The following LCOR variants were observed in gnomAD, a reference collection of about 807,000 sequenced individuals.
The protein encoded by LCOR is ligand-dependent corepressor.
Under a neutral mutation model 64.4 loss-of-function variants are expected in LCOR, and 14 were observed. That is an observed-to-expected ratio of 0.22 (90% CI 0.14 to 0.34). LCOR has a LOEUF of 0.34. LCOR is among the 10% of genes least tolerant of loss of function. The pLI is 1.00. For synonymous variants in LCOR, 643 were observed against 642.5 expected, an observed-to-expected ratio of 1.00 and a Z score of -0.01; for missense variants, 1,686 against 1,765.3, an observed-to-expected ratio of 0.96 and a Z score of 0.80.
At chr10:96,880,565 T>C (rs1846246064) in intron 2 of LCOR, among the ~76,000 whole-genome samples, 1 of 152,156 alleles carries the variant, frequency 6.6e-6, no homozygotes, top group African/African-American at 2.4e-5. Context: ...GCCTGGCTAA[T>C]TGTTGTATTT....
intron 7 of LCOR, chr10:96,955,283 T>C: frequency 2.5e-6 from 4 of 1,614,134 alleles, no homozygotes; most frequent in Non-Finnish European, 3.4e-6. Flanking sequence ...TCAGTGACCT[T>C]CCTTTTCTTG....
chr10:96,832,642 G>C (rs1303727290), intron 1 of LCOR, among the ~76,000 whole-genome samples: 1 of 148,530 alleles, frequency 6.7e-6, no homozygotes, highest in African/African-American at 2.5e-5. Context: ...GCTGGCTCTC[G>C]GCGGGAGCGC....
At chr10:96,937,454 A>G (rs1413832667) in intron 4 of LCOR, among the ~76,000 whole-genome samples, 1 of 152,204 alleles carries the variant, frequency 6.6e-6, no homozygotes, top group Non-Finnish European at 1.5e-5. Flanking sequence ...TTAAATTAGT[A>G]ATTTATAAAC....
chr10:96,960,741 T>C (rs886777673), intron 7 of LCOR: 1 of 152,156 alleles, frequency 6.6e-6, no homozygotes, highest in East Asian at 1.9e-4. Context: ...AGGAGACTAT[T>C]AAGCTATCTA....
chr10:96,910,048 G>C (rs1846802004), intron 4 of LCOR, among the ~76,000 whole-genome samples: 6 of 152,162 alleles, frequency 3.9e-5, no homozygotes, highest in Admixed American at 2.6e-4. Context: ...ATGATTGAGA[G>C]TTTTCCTTTG....
chr10:96,847,309 A>G (rs1845645713), intron 2 of LCOR, among the ~76,000 whole-genome samples: 1 of 151,562 alleles, frequency 6.6e-6, no homozygotes, highest in Non-Finnish European at 1.5e-5. Context: ...AGGAGTTACC[A>G]GAAGCTATAA....
At chr10:96,839,924 G>A (rs1013878610) in intron 2 of LCOR, among the ~76,000 whole-genome samples, 18 of 152,162 alleles carry the variant, frequency 1.2e-4, no homozygotes, top group African/African-American at 3.1e-4. Context: ...CTGACGTTCC[G>A]CCTCTCTTGG....
chr10:96,853,854 T>C (rs932143202), intron 2 of LCOR, among the ~76,000 whole-genome samples: 3 of 152,140 alleles, frequency 2.0e-5, no homozygotes, highest in Non-Finnish European at 2.9e-5. Context: ...AGAAGGTACC[T>C]CTTCACAGGG....
intron 4 of LCOR, among the ~76,000 whole-genome samples, chr10:96,912,167 C>T (rs912850464): frequency 1.3e-5 from 2 of 152,202 alleles, no homozygotes; most frequent in Admixed American, 1.3e-4. Context: ...CTCCTGACTT[C>T]AGGCAATCCA....
chr10:96,952,622 A>T (rs1362420080), intron 7 of LCOR, among the ~76,000 whole-genome samples: 3 of 151,906 alleles, frequency 2.0e-5, no homozygotes, highest in African/African-American at 7.3e-5. Context: ...GGTTTTGGTG[A>T]TGGAGAACTG....
intron 4 of LCOR, among the ~76,000 whole-genome samples, chr10:96,909,230 A>G (rs1846786477): frequency 6.6e-6 from 1 of 152,082 alleles, no homozygotes; most frequent in African/African-American, 2.4e-5. Flanking sequence ...GCCTTTGATG[A>G]CTTTCTCATT....
intron 2 of LCOR, among the ~76,000 whole-genome samples, chr10:96,856,807 C>T (rs995603156): frequency 2.0e-5 from 3 of 150,434 alleles, no homozygotes; most frequent in African/African-American, 2.5e-5. Flanking sequence ...AAGATACCTC[C>T]GTAAGGGCAG....
intron 2 of LCOR, among the ~76,000 whole-genome samples, chr10:96,898,846 A>G (rs1251771684): frequency 6.6e-6 from 1 of 152,214 alleles, no homozygotes; most frequent in East Asian, 1.9e-4. Flanking sequence ...GCAGTTAATG[A>G]TAACTGTCAT....
intron 7 of LCOR, among the ~76,000 whole-genome samples, chr10:96,972,978 C>T (rs1299322027): frequency 6.6e-6 from 1 of 152,172 alleles, no homozygotes; most frequent in African/African-American, 2.4e-5. Context: ...AATGGTGTCA[C>T]TGAGGCTGGG....
At chr10:96,840,885 TCCAGCACAC>T (rs1845528222) in intron 2 of LCOR, among the ~76,000 whole-genome samples, 1 of 152,222 alleles carries the variant, frequency 6.6e-6, no homozygotes, top group African/African-American at 2.4e-5. Flanking sequence ...CGCCTGTAAT[TCCAGCACAC>T]TGGAAGGCTG....
At chr10:96,971,593 C>G (rs190882615) in intron 7 of LCOR, among the ~76,000 whole-genome samples, 2 of 152,270 alleles carry the variant, frequency 1.3e-5, no homozygotes, top group African/African-American at 4.8e-5. Flanking sequence ...GCACCAGGGA[C>G]AGGGTGCTGA....
intron 7 of LCOR, chr10:96,957,578 T>G: frequency 1.0e-6 from 1 of 985,316 alleles, no homozygotes; most frequent in South Asian, 4.7e-5. Context: ...GGAGTTTCAG[T>G]GTAAAATAAA....
chr10:96,984,995 A>G lies in LCOR; in HGVS notation c.4535A>G (p.Asn1512Ser), dbSNP rs778994594. The change falls in exon 8 of 8, where the codon AAT becomes AGT. Residue 1512 changes from asparagine to serine, a missense_variant. Physicochemically the swap from Asn to Ser is conservative, Grantham distance 46. Transcript: ENST00000421806. ...TCTTCAAGGCCTCAGAAAGCCACGAATAGGAAGCAGAGTAGTGGAAAGACT... is the reference window on the plus strand; with the variant it reads ...TCTTCAAGGCCTCAGAAAGCCACGAGTAGGAAGCAGAGTAGTGGAAAGACT... ...ESSSRPQKATNRKQSSGKTRA... is the reference protein window; with the variant it reads ...ESSSRPQKATSRKQSSGKTRA... 7 of 1,614,214 alleles carry G rather than the reference A, an allele frequency of 4.3e-6. No homozygotes were observed. The highest frequency in any genetic ancestry group is 5.1e-6 in the Non-Finnish European group (6 of 1,180,046).
intron 5 of LCOR, among the ~76,000 whole-genome samples, chr10:96,945,842 C>T (rs986433212): frequency 2.0e-5 from 3 of 151,936 alleles, no homozygotes; most frequent in Admixed American, 6.6e-5. Context: ...AAGACTCCTA[C>T]AGAAAAATTC....
Sources: gnomAD v4.1 joint callset for allele counts (sites outside exome capture counted in the v4.1 genomes callset) on GRCh38, gnomAD v4.1.1 for gene constraint, MANE v1.5 for transcripts, NCBI Gene and HGNC (gene_info 2026-07-23, HGNC 2026-07-21) for gene names.